The following TMCO5A variants were observed in gnomAD, a reference collection of about 807,000 sequenced individuals.
TMCO5A encodes the protein transmembrane and coiled-coil domains 5A.
TMCO5A carries 34 observed loss-of-function variants against 42.3 expected under a neutral mutation model. That is an observed-to-expected ratio of 0.80 (90% CI 0.61 to 1.07). TMCO5A has a LOEUF of 1.07. Among genes scored for constraint, TMCO5A ranks in the 50% least tolerant of loss-of-function variants. TMCO5A has a pLI of 0.00. For synonymous variants in TMCO5A, 131 were observed against 115.6 expected, an observed-to-expected ratio of 1.13 and a Z score of -0.86; for missense variants, 357 against 327.9, an observed-to-expected ratio of 1.09 and a Z score of -0.69.
chr15:37,997,308 A>C, the TMCO5A span, among the ~76,000 whole-genome samples: 2 of 152,244 alleles, frequency 1.3e-5, no homozygotes, highest in African/African-American at 4.8e-5. Context: ...AAATATTCTA[A>C]ATGACATTTT....
At chr15:37,948,114 G>C (rs2959341) in intron 11 of TMCO5A, among the ~76,000 whole-genome samples, 95,223 of 151,908 alleles carry the variant, frequency 0.63, 33,461 homozygotes, top group Middle Eastern at 0.81. Flanking sequence ...AGATAGAAGA[G>C]AGACAAGCAT....
At chr15:37,961,423 A>T (rs911891408) in intron 11 of TMCO5A, among the ~76,000 whole-genome samples, 1 of 152,122 alleles carries the variant, frequency 6.6e-6, no homozygotes, top group Non-Finnish European at 1.5e-5. Context: ...TACCAGTACC[A>T]TGCTGTTTTG....
downstream of TMCO5A, among the ~76,000 whole-genome samples, chr15:37,953,082 A>G (rs1298463153): frequency 1.3e-5 from 2 of 152,102 alleles, no homozygotes; most frequent in South Asian, 4.1e-4. Flanking sequence ...AAAGCTCTTG[A>G]CTCTAGACCC....
Position 37,936,860 on chromosome 15 carries a change from A to G in TMCO5A, c.154A>G (p.Ile52Val), listed in dbSNP as rs1889530419. Residue 52 changes from isoleucine (I) to valine (V), a missense_variant, in exon 4 of 12, where the codon ATC becomes GTC. Ile to Val is a conservative substitution (Grantham distance 29). Coordinates refer to ENST00000319669, the MANE Select transcript of TMCO5A (RefSeq NM_152453.4). ...EDKIQRLESE[I>V]IQTRGLVEDE... ...TGTGTTGTCCAGGCTGGAAAGTGAGATCATTCAGACGCGGGGCCTGGTGGA... is the reference window on the plus strand; with the variant it reads ...TGTGTTGTCCAGGCTGGAAAGTGAGGTCATTCAGACGCGGGGCCTGGTGGA... 1.2e-6 allele frequency: 2 copies of G among 1,611,964 alleles called. No homozygotes were observed. Among genetic ancestry groups the G allele is most frequent in the Non-Finnish European group, 8.5e-7 (1 of 1,178,940 alleles).
chr15:37,966,636 C>T lies in TMCO5A; in HGVS notation c.680C>T (p.Ser227Phe), dbSNP rs1300577397. ...TCTTCTCTCTTCAGATGGGCCTCCT[C>T]CTTTTAGTGGCAAGATGGCTGCCAA... The change falls in exon 12 of 12, where the codon TCC (serine) becomes TTC (phenylalanine). Residue 227 changes from serine (S) to phenylalanine (F), a missense_variant. Physicochemically the swap from Ser to Phe is radical, Grantham distance 155. Transcript: ENST00000559502. 13 of 702,448 alleles carry T rather than the reference C, an allele frequency of 1.9e-5. No individual in the cohort carries two copies. The South Asian group carries it at 1.9e-4, about 10-fold the overall frequency. 43.5% of individuals were successfully genotyped at this position (702,448 alleles called of 1,614,324 possible).
the TMCO5A span, among the ~76,000 whole-genome samples, chr15:37,975,253 G>A: frequency 1.3e-5 from 2 of 152,110 alleles, no homozygotes; most frequent in African/African-American, 4.8e-5. Flanking sequence ...TGTATGTTAG[G>A]CCCATTTTGT....
chr15:37,947,369 G>A (rs536234536), intron 10 of TMCO5A, among the ~76,000 whole-genome samples: 66 of 152,140 alleles, frequency 4.3e-4, no homozygotes, highest in African/African-American at 1.5e-3. Context: ...GAGTATCCAG[G>A]TTCCAGGCCC....
At chr15:37,953,714 A>G (rs1890217028), downstream of TMCO5A, among the ~76,000 whole-genome samples, 1 of 152,022 alleles carries the variant, frequency 6.6e-6, no homozygotes, top group African/African-American at 2.4e-5. Context: ...CACCAAACTA[A>G]AGTAAGGCAC....
At chr15:38,014,386 T>G in the TMCO5A span, among the ~76,000 whole-genome samples, 1 of 152,170 alleles carries the variant, frequency 6.6e-6, no homozygotes, top group African/African-American at 2.4e-5. Context: ...ACACTTGATT[T>G]CCCTTCAGCT....
the TMCO5A span, among the ~76,000 whole-genome samples, chr15:37,984,451 G>C: frequency 1.3e-5 from 2 of 152,118 alleles, no homozygotes; most frequent in African/African-American, 4.8e-5. Flanking sequence ...TCTAAACAGC[G>C]CTGCAACATG....
the TMCO5A span, among the ~76,000 whole-genome samples, chr15:38,021,845 C>G: frequency 6.7e-6 from 1 of 150,072 alleles, no homozygotes; most frequent in Admixed American, 6.6e-5. Context: ...GAGTCTCACC[C>G]TGTCACCAGG....
At chr15:37,989,042 A>G in the TMCO5A span, among the ~76,000 whole-genome samples, 1 of 151,898 alleles carries the variant, frequency 6.6e-6, no homozygotes, top group Non-Finnish European at 1.5e-5. Flanking sequence ...CAGGTTTTCT[A>G]ATTCTTCATG....
chr15:37,993,972 T>C, the TMCO5A span, among the ~76,000 whole-genome samples: 2 of 152,244 alleles, frequency 1.3e-5, no homozygotes, highest in Non-Finnish European at 2.9e-5. Context: ...AGTGCAGTTG[T>C]TGTCTAGGTA....
chr15:37,940,234 C>T (rs1005898065), intron 6 of TMCO5A, among the ~76,000 whole-genome samples: 5 of 152,058 alleles, frequency 3.3e-5, no homozygotes, highest in African/African-American at 1.2e-4. Context: ...TTAGAAGAAC[C>T]GAAATCCTTT....
At chr15:37,946,665 C>T (rs556847737) in intron 10 of TMCO5A, among the ~76,000 whole-genome samples, 25 of 152,038 alleles carry the variant, frequency 1.6e-4, no homozygotes, top group African/African-American at 2.2e-4. Context: ...CTCTGCTTGA[C>T]GGTTGTTGGT....
intron 9 of TMCO5A, chr15:37,942,631 T>A (rs1159312832): frequency 1.7e-5 from 3 of 180,246 alleles, no homozygotes; most frequent in Non-Finnish European, 3.5e-5. Flanking sequence ...CCATCCTCAC[T>A]TCCCCCAAAT....
chr15:37,945,311 A>G (rs1056107804), intron 10 of TMCO5A, among the ~76,000 whole-genome samples: 1 of 152,094 alleles, frequency 6.6e-6, no homozygotes, highest in Non-Finnish European at 1.5e-5. Context: ...TGTATTTGCT[A>G]TTGTGAACAG....
At chr15:37,981,300 T>C in the TMCO5A span, among the ~76,000 whole-genome samples, 2 of 150,794 alleles carry the variant, frequency 1.3e-5, no homozygotes, top group Admixed American at 1.3e-4. Context: ...GGAGATTCAG[T>C]GGTATTTTAA....
intron 10 of TMCO5A, among the ~76,000 whole-genome samples, chr15:37,944,797 A>G (rs1889878012): frequency 6.6e-6 from 1 of 152,106 alleles, no homozygotes; most frequent in Non-Finnish European, 1.5e-5. Context: ...GGACAATGAA[A>G]TAACTGAGAA....
Sources: gnomAD v4.1 joint callset for allele counts (sites outside exome capture counted in the v4.1 genomes callset) on GRCh38, gnomAD v4.1.1 for gene constraint, MANE v1.5 for transcripts, NCBI Gene and HGNC (gene_info 2026-07-23, HGNC 2026-07-21) for gene names.